Variants in ABHD17B observed in about 807,000 individuals in gnomAD.
ABHD17B encodes abhydrolase domain containing 17B, depalmitoylase.
Under a neutral mutation model 26.2 loss-of-function variants are expected in ABHD17B, and 9 were observed. The ratio of observed to expected loss-of-function variants is 0.34; its 90% confidence interval spans 0.21 to 0.60. ABHD17B has a LOEUF of 0.60. ABHD17B is among the 20% of genes least tolerant of loss of function. ABHD17B has a pLI of 0.80. For missense variants in ABHD17B, 224 were observed against 352.1 expected, an observed-to-expected ratio of 0.64 and a Z score of 2.91; for synonymous variants, 127 against 122.3, an observed-to-expected ratio of 1.04 and a Z score of -0.25.
rs150739003 is a variant in ABHD17B at position 71,881,071 on chromosome 9, G to A, written c.-3-5988C>T. Among the ~76,000 whole-genome samples the A allele has an allele frequency of 2.8e-4, 43 of 152,226 alleles. No homozygotes were observed. In the East Asian group the frequency reaches 8.1e-3, roughly 29 times the overall value. ...CTTGAAAAGAAAACCTAAGTTGGAG[G>A]ATTCACACTTCCCAATTTCAAAACT... On this transcript the variant is annotated intron_variant, in intron 1 of 3. Transcript: ENST00000333421.
At chr9:71,867,061 A>G in intron 3 of ABHD17B, 55 bp from the exon 4 acceptor site, 1 of 1,566,668 alleles carries the variant, frequency 6.4e-7, no homozygotes, top group Non-Finnish European at 8.7e-7. Flanking sequence ...GTAAAGGAAC[A>G]TATTCTTGTG....
At chr9:71,863,050 C>A (rs1825868449), downstream of ABHD17B, among the ~76,000 whole-genome samples, 1 of 151,482 alleles carries the variant, frequency 6.6e-6, no homozygotes, top group Non-Finnish European at 1.5e-5. Flanking sequence ...GGATACAGAA[C>A]TGGTAAATTT....
rs149138260 is a variant in ABHD17B at position 71,911,028 on chromosome 9, C to G, written c.-398G>C. ...GCCACCGCCTCCCTTTCTGGCACTG[C>G]AGACGCCACCCAGACCTAGCCAGGT... On this transcript the variant is annotated 5_prime_UTR_variant, in exon 1 of 4. Coordinates refer to ENST00000333421, the MANE Select transcript of ABHD17B (RefSeq NM_001025780.3). 1 of 154,168 alleles carries G rather than the reference C, an allele frequency of 6.5e-6. No homozygotes were observed. The highest frequency in any genetic ancestry group is 2.4e-5 in the African/African-American group (1 of 41,596). 9.6% of individuals were successfully genotyped at this position (154,168 alleles called of 1,614,324 possible). A position where few individuals can be genotyped will look rare whatever the true frequency, so the allele number is the denominator to read the frequency against.
intron 2 of ABHD17B, among the ~76,000 whole-genome samples, chr9:71,873,091 T>G (rs1826159816): frequency 2.0e-5 from 3 of 151,970 alleles, no homozygotes; most frequent in Non-Finnish European, 4.4e-5. Context: ...ATTTAAACAT[T>G]AAATTAGAAA....
chr9:71,863,164 T>C (rs930015243), downstream of ABHD17B, among the ~76,000 whole-genome samples: 2 of 152,174 alleles, frequency 1.3e-5, no homozygotes, highest in Non-Finnish European at 2.9e-5. Flanking sequence ...GACCAAGGAT[T>C]TGTGTTACTA....
intron 1 of ABHD17B, among the ~76,000 whole-genome samples, chr9:71,886,763 TC>T (rs1233992496): frequency 6.6e-6 from 1 of 152,064 alleles, no homozygotes; most frequent in African/African-American, 2.4e-5. Context: ...ATCTGTGAGA[TC>T]AAAGGGCTCA....
At position 71,884,424 on chromosome 9, in the gene ABHD17B, AAATT is replaced by A. The variant is rs373789827; in HGVS notation, c.-3-9345_-3-9342del. ...GCATGTGTTGGATGCAGATAATAGAAAATTAACACAGTCAGAAGCAAAGACTGAT... is the reference window on the plus strand; with the variant it reads ...GCATGTGTTGGATGCAGATAATAGAAAACACAGTCAGAAGCAAAGACTGAT... On this transcript the variant is annotated intron_variant, in intron 1 of 3. Transcript: ENST00000333421. Among the ~76,000 whole-genome samples, 234 of 152,316 alleles carry A rather than the reference AAATT, an allele frequency of 1.5e-3. 1 individual carries two copies. The highest frequency in any genetic ancestry group is 5.3e-3 in the African/African-American group (221 of 41,582).
chr9:71,883,143 A>AAAAC (rs981526772), intron 1 of ABHD17B, among the ~76,000 whole-genome samples: 4 of 152,228 alleles, frequency 2.6e-5, no homozygotes, highest in African/African-American at 4.8e-5. Flanking sequence ...ACTCCATCTC[A>AAAAC]AAACAAACAA....
chr9:71,885,097 A>T (rs1410862130), intron 1 of ABHD17B, among the ~76,000 whole-genome samples: 1 of 152,106 alleles, frequency 6.6e-6, no homozygotes, highest in Non-Finnish European at 1.5e-5. Flanking sequence ...AACACAGAGA[A>T]GGACCCTATT....
At chr9:71,903,754 G>A (rs950140222) in intron 1 of ABHD17B, among the ~76,000 whole-genome samples, 2 of 152,300 alleles carry the variant, frequency 1.3e-5, no homozygotes, top group South Asian at 2.1e-4. Context: ...GTTTTAGAAT[G>A]AGTGAGATAA....
intron 1 of ABHD17B, among the ~76,000 whole-genome samples, chr9:71,892,401 C>T (rs540669690): frequency 1.3e-4 from 20 of 151,630 alleles, no homozygotes; most frequent in Non-Finnish European, 1.8e-4. Context: ...GGCGTGGTGG[C>T]GGGCGCCTGT....
At chr9:71,894,087 CAAAAAAAAAAAAAAAAAAAAAA>C (rs1180729763) in intron 1 of ABHD17B, among the ~76,000 whole-genome samples, 3 of 52,306 alleles carry the variant, frequency 5.7e-5, no homozygotes, top group African/African-American at 8.6e-5. Context: ...GACTCTATCT[CAAAAAAAAAAAAAAAAAAAAAA>C]AAAAAAAAAA....
intron 1 of ABHD17B, among the ~76,000 whole-genome samples, chr9:71,893,608 T>C (rs1033380008): frequency 3.3e-5 from 5 of 152,212 alleles, no homozygotes; most frequent in African/African-American, 9.7e-5. Context: ...CTTTGTTAAG[T>C]AGGCAATGAT....
chr9:71,894,025 T>C (rs1220981078), intron 1 of ABHD17B, among the ~76,000 whole-genome samples: 1 of 135,532 alleles, frequency 7.4e-6, no homozygotes, highest in Non-Finnish European at 1.5e-5. Context: ...AGGACAGCGC[T>C]TGCAGCGAGC....
chr9:71,905,312 C>A (rs1484872231), intron 1 of ABHD17B, among the ~76,000 whole-genome samples: 1 of 151,822 alleles, frequency 6.6e-6, no homozygotes, highest in Admixed American at 6.6e-5. Context: ...TTAGTAGAGA[C>A]GGGGTTTCAT....
At chr9:71,887,004 A>G (rs1477538513) in intron 1 of ABHD17B, among the ~76,000 whole-genome samples, 1 of 152,202 alleles carries the variant, frequency 6.6e-6, no homozygotes, top group Non-Finnish European at 1.5e-5. Context: ...GATTCTAGAT[A>G]TAGAGTGTAA....
chr9:71,867,014 G>T lies in ABHD17B; in HGVS notation c.648-8C>A. 6.2e-7 allele frequency: 1 copy of T among 1,612,724 alleles called. No homozygotes were observed. The highest frequency in any genetic ancestry group is 2.2e-5 in the East Asian group (1 of 44,874). On this transcript the variant is annotated splice_region_variant and splice_polypyrimidine_tract_variant and intron_variant, in intron 3 of 3. Transcript: ENST00000333421. ...TTAGAGATTTTGTCAATGCTGCAGG[G>T]AAAAAGGAAGGGGGAAAAATGCAAT...
intron 1 of ABHD17B, among the ~76,000 whole-genome samples, chr9:71,908,248 C>G (rs1380307133): frequency 6.6e-6 from 1 of 150,702 alleles, no homozygotes; most frequent in African/African-American, 2.4e-5. Context: ...AAAAATTAGC[C>G]GGGAGTGGTG....
At chr9:71,907,090 G>T (rs1827307262) in intron 1 of ABHD17B, among the ~76,000 whole-genome samples, 1 of 152,106 alleles carries the variant, frequency 6.6e-6, no homozygotes, top group South Asian at 2.1e-4. Flanking sequence ...CACTGCTCTA[G>T]AAGTCTTACA....
Sources: allele counts gnomAD v4.1 joint callset (sites outside exome capture counted in the v4.1 genomes callset), GRCh38; gene constraint gnomAD v4.1.1; transcripts MANE v1.5; gene names NCBI Gene and HGNC (gene_info 2026-07-23, HGNC 2026-07-21).